The following EID3 variants were observed in gnomAD, a reference collection of about 807,000 sequenced individuals.
EID3 encodes EP300-interacting inhibitor of differentiation 3.
A neutral mutation model predicts 1.6 loss-of-function variants in EID3; 3 were observed. The ratio of observed to expected loss-of-function variants is 1.87; its 90% confidence interval spans 0.85 to 4.83. The LOEUF is 4.83. EID3 is among the 30% of genes most tolerant of loss of function. EID3 has a pLI of 0.02. For synonymous variants in EID3, 164 were observed against 148.1 expected (o/e 1.11, Z -0.78); for missense variants, 471 against 409.9 (o/e 1.15, Z -1.29).
rs377416878 is a variant in EID3, at chr12:104,304,055, C to A, written c.121C>A (p.Arg41Ser). ...TADEEKCRSI[R>S]RQYRQLMYCV... ...TGACGAGGAGAAGTGCCGCAGCATC[C>A]GCAGGCAGTACCGGCAGCTCATGTA... is the stretch of plus-strand genomic sequence containing the variant. The change falls in exon 1 of 1, where the codon CGC becomes AGC. Residue 41 changes from arginine to serine, a missense_variant. Physicochemically the swap from Arg to Ser is moderately radical, Grantham distance 110. Transcript: ENST00000527879. The A allele has an allele frequency of 1.2e-6, 2 of 1,613,818 alleles. No homozygotes were observed. Among genetic ancestry groups the A allele is most frequent in the South Asian group, 2.2e-5 (2 of 91,080 alleles).
At position 104,303,967 on chromosome 12, in the gene EID3, C is replaced by T. The variant is rs768965326; in HGVS notation, c.33C>T (p.Gly11=). The change falls in exon 1 of 1, where the codon GGC becomes GGT. Residue 11 remains glycine (G), a synonymous_variant. Transcript: ENST00000527879. MKMDVSVRAA[G]CSDDLSSGEA... is the part of the protein sequence containing the mutation. ...TGGATGTGTCAGTGAGGGCCGCGGG[C>T]TGCTCCGACGACCTCAGCTCTGGGG... 6.2e-7 allele frequency: 1 copy of T among 1,603,842 alleles called. No homozygotes were observed. Among genetic ancestry groups the T allele is most frequent in the Admixed American group, 1.7e-5 (1 of 59,664 alleles).
Position 104,304,195 on chromosome 12 carries a change from C to T in EID3, c.261C>T (p.Ala87=). The T allele has an allele frequency of 1.2e-6, 2 of 1,614,050 alleles. No homozygotes were observed. Among genetic ancestry groups the T allele is most frequent in the Non-Finnish European group, 1.7e-6 (2 of 1,179,902 alleles). The part of the protein sequence containing the change: ...FDGVSRTREA[A]LDARFLVMAS... Reference sequence around the variant, plus strand: ...GCGTGAGCCGAACCAGAGAAGCAGCCCTCGACGCCCGGTTTCTTGTTATGG... The same window carrying T: ...GCGTGAGCCGAACCAGAGAAGCAGCTCTCGACGCCCGGTTTCTTGTTATGG... Residue 87 remains alanine, a synonymous_variant, in exon 1 of 1, where the codon GCC becomes GCT. Transcript: ENST00000527879.
At position 104,305,017 on chromosome 12, in the gene EID3, G is replaced by A. The variant is rs189094565; in HGVS notation, c.*81G>A. 2,086 of 1,359,402 alleles carry A rather than the reference G, an allele frequency of 1.5e-3. 24 individuals are homozygous for A. The highest frequency in any genetic ancestry group is 0.012 in the East Asian group (494 of 41,962). 84.2% of individuals were successfully genotyped at this position (1,359,402 alleles called of 1,614,324 possible). On this transcript the variant is annotated 3_prime_UTR_variant, in exon 1 of 1. Coordinates refer to ENST00000527879, the MANE Select transcript of EID3 (RefSeq NM_001008394.3). ...TAAAATGTAAACTGAAGCACATATT[G>A]TATCTCTTGTAAAGTGAAAAAGTAT...
In EID3 at chr12:104,303,814, G is replaced by T; in HGVS notation, c.-121G>T. The T allele has an allele frequency of 2.1e-6, 3 of 1,400,028 alleles. No homozygotes were observed. The highest frequency in any genetic ancestry group is 2.8e-6 in the Non-Finnish European group (3 of 1,067,784). 86.7% of individuals were successfully genotyped at this position (1,400,028 alleles called of 1,614,324 possible). On this transcript the variant is annotated 5_prime_UTR_variant, in exon 1 of 1. Transcript: ENST00000527879. ...GGGCCGTTACCTCAGAGATACCCGTGGCCGGCATGTTGGTTGAAAAAGCTT... is the reference window on the plus strand; with the variant it reads ...GGGCCGTTACCTCAGAGATACCCGTTGCCGGCATGTTGGTTGAAAAAGCTT...
In EID3 at chr12:104,304,238, GA is replaced by G. The variant is rs1183632835; in HGVS notation, c.308del (p.Lys103ArgfsTer5). ...TGTTATGGCTTCTGATTTGGGTAAA[GA>G]AAAGGCAAAGCAGTTAAACTCAGAT... is the stretch of plus-strand genomic sequence containing the variant. ...FLVMASDLGK[E>X]KAKQLNSDMN... On this transcript the variant is annotated frameshift_variant, in exon 1 of 1. Transcript: ENST00000527879. LOFTEE classifies it low-confidence loss of function (END_TRUNC). 1 of 1,614,028 alleles carries G rather than the reference GA, an allele frequency of 6.2e-7. No homozygotes were observed. The highest frequency in any genetic ancestry group is 8.5e-7 in the Non-Finnish European group (1 of 1,179,888).
Position 104,303,848 on chromosome 12 carries a change from G to C in EID3, c.-87G>C. On this transcript the variant is annotated 5_prime_UTR_variant, in exon 1 of 1. Coordinates refer to ENST00000527879, the MANE Select transcript of EID3 (RefSeq NM_001008394.3). ...GTTGGTTGAAAAAGCTTCCCGGAAG[G>C]GAGACGAAGAGAAAGGAGAGGAGCA... The C allele has an allele frequency of 6.9e-7, 1 of 1,444,248 alleles. No homozygotes were observed. Among genetic ancestry groups the C allele is most frequent in the Non-Finnish European group, 9.1e-7 (1 of 1,103,430 alleles). The allele number at this position is 1,444,248 out of a possible 1,614,324, so 89.5% of individuals were successfully genotyped here. A position where few individuals can be genotyped will look rare whatever the true frequency, so the allele number is the denominator to read the frequency against.
Position 104,304,472 on chromosome 12 carries a change from T to C in EID3, c.538T>C (p.Ser180Pro). The C allele has an allele frequency of 6.2e-7, 1 of 1,613,984 alleles. No individual in the cohort carries two copies. Among genetic ancestry groups the C allele is most frequent in the Non-Finnish European group, 8.5e-7 (1 of 1,179,892 alleles). ...FVFGSFKLERSAPKPRLEHQK... is the reference protein window; with the variant it reads ...FVFGSFKLERPAPKPRLEHQK... Reference sequence around the variant, plus strand: ...TTTTGGTTCATTCAAGCTAGAACGTTCTGCACCAAAGCCCCGACTTGAACA... The same window carrying C: ...TTTTGGTTCATTCAAGCTAGAACGTCCTGCACCAAAGCCCCGACTTGAACA... The change falls in exon 1 of 1, where the codon TCT (serine) becomes CCT (proline). Residue 180 changes from serine (S) to proline (P), a missense_variant. By Grantham distance (74) the Ser-to-Pro change is moderately conservative. Coordinates refer to ENST00000527879, the MANE Select transcript of EID3 (RefSeq NM_001008394.3).
Position 104,303,867 on chromosome 12 carries a change from A to G in EID3, c.-68A>G. 1 of 1,474,706 alleles carries G rather than the reference A, an allele frequency of 6.8e-7. No individual in the cohort carries two copies. Among genetic ancestry groups the G allele is most frequent in the Non-Finnish European group, 8.9e-7 (1 of 1,119,354 alleles). The allele number at this position is 1,474,706 out of a possible 1,614,324, so 91.4% of individuals were successfully genotyped here. On this transcript the variant is annotated 5_prime_UTR_variant, in exon 1 of 1. Transcript: ENST00000527879. ...CGGAAGGGAGACGAAGAGAAAGGAG[A>G]GGAGCAGCTCGTGATCATCCCCGGT...
chr12:104,303,843 G>T lies in EID3; in HGVS notation c.-92G>T. The T allele has an allele frequency of 1.4e-6, 2 of 1,440,016 alleles. No homozygotes were observed. Among genetic ancestry groups the T allele is most frequent in the Non-Finnish European group, 1.8e-6 (2 of 1,100,958 alleles). 89.2% of individuals were successfully genotyped at this position (1,440,016 alleles called of 1,614,324 possible). On this transcript the variant is annotated 5_prime_UTR_variant, in exon 1 of 1. Coordinates refer to ENST00000527879, the MANE Select transcript of EID3 (RefSeq NM_001008394.3). ...GGCATGTTGGTTGAAAAAGCTTCCCGGAAGGGAGACGAAGAGAAAGGAGAG... is the reference window on the plus strand; with the variant it reads ...GGCATGTTGGTTGAAAAAGCTTCCCTGAAGGGAGACGAAGAGAAAGGAGAG...
At position 104,304,379 on chromosome 12, in the gene EID3, T is replaced by A; in HGVS notation, c.445T>A (p.Ser149Thr). Residue 149 changes from serine to threonine, a missense_variant, in exon 1 of 1, where the codon TCC becomes ACC. By Grantham distance (58) the Ser-to-Thr change is moderately conservative. Transcript: ENST00000527879. ...TGATTGTGATGATAGCATAGCTCTT[T>A]CCTTCTGGAAGGCAATAGAAAAGGA... ...LSDCDDSIAL[S>T]FWKAIEKEAT... 1 of 1,614,074 alleles carries A rather than the reference T, an allele frequency of 6.2e-7. No individual in the cohort carries two copies. The highest frequency in any genetic ancestry group is 8.5e-7 in the Non-Finnish European group (1 of 1,179,902).
rs2034754187 is a variant in EID3, at chr12:104,303,864, G to T, written c.-71G>T. 1 of 1,471,418 alleles carries T rather than the reference G, an allele frequency of 6.8e-7. No homozygotes were observed. The allele number at this position is 1,471,418 out of a possible 1,614,324, so 91.1% of individuals were successfully genotyped here. A position where few individuals can be genotyped will look rare whatever the true frequency, so the allele number is the denominator to read the frequency against. The stretch of plus-strand genomic sequence containing the variant: ...TCCCGGAAGGGAGACGAAGAGAAAG[G>T]AGAGGAGCAGCTCGTGATCATCCCC... On this transcript the variant is annotated 5_prime_UTR_variant, in exon 1 of 1. Coordinates refer to ENST00000527879, the MANE Select transcript of EID3 (RefSeq NM_001008394.3).
In EID3 at chr12:104,304,647, C is replaced by G. The variant is rs761969497; in HGVS notation, c.713C>G (p.Thr238Ser). ...ACCTACTTTCGAAAGTATCCTGATA[C>G]TCCTGTGTCCTATTTTGAGTTTGTG... ...LQTYFRKYPD[T>S]PVSYFEFVID... Residue 238 changes from threonine to serine, a missense_variant, in exon 1 of 1, where the codon ACT (threonine) becomes AGT (serine). Coordinates refer to ENST00000527879, the MANE Select transcript of EID3 (RefSeq NM_001008394.3). 4 of 1,613,924 alleles carry G rather than the reference C, an allele frequency of 2.5e-6. No individual in the cohort carries two copies. The highest frequency in any genetic ancestry group is 3.4e-6 in the Non-Finnish European group (4 of 1,179,822).
rs936765410 is a variant in EID3 at position 104,304,045 on chromosome 12, C to A, written c.111C>A (p.Cys37Ter). Reference protein sequence around the residue: ...LLELTADEEKCRSIRRQYRQL... With the variant: ...LLELTADEEK ...AGCTCACCGCTGACGAGGAGAAGTGCCGCAGCATCCGCAGGCAGTACCGGC... is the reference window on the plus strand; with the variant it reads ...AGCTCACCGCTGACGAGGAGAAGTGACGCAGCATCCGCAGGCAGTACCGGC... Residue 37 changes from cysteine to a stop codon, truncating the protein, a stop_gained, in exon 1 of 1, where the codon TGC becomes TGA. Transcript: ENST00000527879. LOFTEE classifies it low-confidence loss of function (END_TRUNC). The A allele has an allele frequency of 1.9e-6, 3 of 1,613,640 alleles. No homozygotes were observed. The highest frequency in any genetic ancestry group is 1.7e-6 in the Non-Finnish European group (2 of 1,179,888).
At position 104,304,056 on chromosome 12, in the gene EID3, G is replaced by A; in HGVS notation, c.122G>A (p.Arg41His). Residue 41 changes from arginine (R) to histidine (H), a missense_variant, in exon 1 of 1, where the codon CGC becomes CAC. By Grantham distance (29) the Arg-to-His change is conservative (BLOSUM62 0). Coordinates refer to ENST00000527879, the MANE Select transcript of EID3 (RefSeq NM_001008394.3). Reference sequence around the variant, plus strand: ...GACGAGGAGAAGTGCCGCAGCATCCGCAGGCAGTACCGGCAGCTCATGTAC... The same window carrying A: ...GACGAGGAGAAGTGCCGCAGCATCCACAGGCAGTACCGGCAGCTCATGTAC... Reference protein sequence around the residue: ...TADEEKCRSIRRQYRQLMYCV... With the variant: ...TADEEKCRSIHRQYRQLMYCV... 1.2e-6 allele frequency: 2 copies of A among 1,613,846 alleles called. No homozygotes were observed. Among genetic ancestry groups the A allele is most frequent in the Non-Finnish European group, 1.7e-6 (2 of 1,179,904 alleles).
chr12:104,304,387 G>A lies in EID3; in HGVS notation c.453G>A (p.Trp151Ter). 2 of 1,614,020 alleles carry A rather than the reference G, an allele frequency of 1.2e-6. No individual in the cohort carries two copies. Among genetic ancestry groups the A allele is most frequent in the Non-Finnish European group, 1.7e-6 (2 of 1,179,902 alleles). ...DCDDSIALSF[W>*]KAIEKEATSW... Reference sequence around the variant, plus strand: ...ATGATAGCATAGCTCTTTCCTTCTGGAAGGCAATAGAAAAGGAAGCAACAT... The same window carrying A: ...ATGATAGCATAGCTCTTTCCTTCTGAAAGGCAATAGAAAAGGAAGCAACAT... The change falls in exon 1 of 1, where the codon TGG becomes TGA. Residue 151 changes from tryptophan to a stop codon, truncating the protein, a stop_gained. Coordinates refer to ENST00000527879, the MANE Select transcript of EID3 (RefSeq NM_001008394.3). LOFTEE classifies it low-confidence loss of function (END_TRUNC).
At position 104,303,984 on chromosome 12, in the gene EID3, G is replaced by T. The variant is rs528222322; in HGVS notation, c.50G>T (p.Ser17Ile). Residue 17 changes from serine to isoleucine, a missense_variant, in exon 1 of 1, where the codon AGC becomes ATC. Transcript: ENST00000527879. ...VRAAGCSDDLSSGEADVDPKL... is the reference protein window; with the variant it reads ...VRAAGCSDDLISGEADVDPKL... ...GCCGCGGGCTGCTCCGACGACCTCA[G>T]CTCTGGGGAGGCCGACGTAGACCCA... 4 of 1,608,056 alleles carry T rather than the reference G, an allele frequency of 2.5e-6. No homozygotes were observed. The highest frequency in any genetic ancestry group is 1.1e-5 in the South Asian group (1 of 90,994).
In EID3 at chr12:104,304,854, T is replaced by C; in HGVS notation, c.920T>C (p.Ile307Thr). 6.2e-7 allele frequency: 1 copy of C among 1,613,972 alleles called. No homozygotes were observed. Among genetic ancestry groups the C allele is most frequent in the South Asian group, 1.1e-5 (1 of 91,070 alleles). Reference sequence around the variant, plus strand: ...TGCCATGGCAGGAAACAGGGAGTTATATCTTTGACTTTACAGGAGTGGAAA... The same window carrying C: ...TGCCATGGCAGGAAACAGGGAGTTACATCTTTGACTTTACAGGAGTGGAAA... ...SSCHGRKQGV[I>T]SLTLQEWKNI... The change falls in exon 1 of 1, where the codon ATA (isoleucine) becomes ACA (threonine). Residue 307 changes from isoleucine (I) to threonine (T), a missense_variant. Physicochemically the swap from Ile to Thr is moderately conservative, Grantham distance 89 (BLOSUM62 -1). Coordinates refer to ENST00000527879, the MANE Select transcript of EID3 (RefSeq NM_001008394.3).
Position 104,304,134 on chromosome 12 carries a change from C to T in EID3, c.200C>T (p.Thr67Ile). 6.2e-7 allele frequency: 1 copy of T among 1,614,068 alleles called. No homozygotes were observed. The highest frequency in any genetic ancestry group is 8.5e-7 in the Non-Finnish European group (1 of 1,179,904). Residue 67 changes from threonine (T) to isoleucine (I), a missense_variant, in exon 1 of 1, where the codon ACC becomes ATC. Transcript: ENST00000527879. ...GTGAGCTCGGCGAACAACTCCTTAA[C>T]CGAGGCTCTGGAGGAAGCCAACGTC... ...DIVSSANNSLTEALEEANVLF... is the reference protein window; with the variant it reads ...DIVSSANNSLIEALEEANVLF...
In EID3 at chr12:104,304,535, A is replaced by G. The variant is rs2034804584; in HGVS notation, c.601A>G (p.Met201Val). ...KVRKMEENGN[M>V]PTKLQKLDLS... ...TCGCAAGATGGAAGAAAATGGCAAC[A>G]TGCCTACAAAGTTGCAGAAGTTGGA... The change falls in exon 1 of 1, where the codon ATG (methionine) becomes GTG (valine). Residue 201 changes from methionine to valine, a missense_variant. Physicochemically the swap from Met to Val is conservative, Grantham distance 21. Coordinates refer to ENST00000527879, the MANE Select transcript of EID3 (RefSeq NM_001008394.3). 6.2e-7 allele frequency: 1 copy of G among 1,614,050 alleles called. No individual in the cohort carries two copies. Among genetic ancestry groups the G allele is most frequent in the African/African-American group, 1.3e-5 (1 of 75,068 alleles).
Sources: allele counts gnomAD v4.1 joint callset, GRCh38; gene constraint gnomAD v4.1.1; transcripts MANE v1.5; gene names NCBI Gene and HGNC (gene_info 2026-07-23, HGNC 2026-07-21).